The following NAALADL2 variants were observed in gnomAD, a reference collection of about 807,000 sequenced individuals.
NAALADL2 encodes the protein inactive N-acetylated-alpha-linked acidic dipeptidase-like protein 2.
Under a neutral mutation model 87.2 loss-of-function variants are expected in NAALADL2, and 76 were observed. That is an observed-to-expected ratio of 0.87 (90% CI 0.72 to 1.05). The LOEUF is 1.05. NAALADL2 is among the 50% of genes least tolerant of loss of function. The pLI is 0.00. For missense variants in NAALADL2, 1,089 were observed against 945.8 expected (o/e 1.15, Z -1.99); for synonymous variants, 354 against 331.0 (o/e 1.07, Z -0.75).
intron 2 of NAALADL2, among the ~76,000 whole-genome samples, chr3:175,148,497 G>C (rs1731101766): frequency 6.6e-6 from 1 of 151,972 alleles, no homozygotes; most frequent in Non-Finnish European, 1.5e-5. Context: ...TGGAGGACTT[G>C]GTCATAAATT....
chr3:174,686,758 G>C (rs904924955), intron 2 of NAALADL2, among the ~76,000 whole-genome samples: 7 of 151,962 alleles, frequency 4.6e-5, no homozygotes, highest in African/African-American at 1.7e-4. Context: ...ACTGAAACTG[G>C]ACCTCTTCCT....
intron 2 of NAALADL2, among the ~76,000 whole-genome samples, chr3:175,110,101 A>AT (rs1723927964): frequency 6.6e-6 from 1 of 151,792 alleles, no homozygotes; most frequent in African/African-American, 2.4e-5. Context: ...GTTTTGGGGC[A>AT]TTTTTCCCAT....
chr3:174,550,144 T>G (rs185430221), intron 1 of NAALADL2, among the ~76,000 whole-genome samples: 144 of 152,218 alleles, frequency 9.5e-4, no homozygotes, highest in African/African-American at 3.3e-3. Context: ...ATTGTTAATT[T>G]TTAGTAGTGC....
chr3:174,552,425 T>C (rs925259856), intron 2 of NAALADL2, among the ~76,000 whole-genome samples: 2 of 152,116 alleles, frequency 1.3e-5, no homozygotes, highest in South Asian at 2.1e-4. Context: ...GACAAACATA[T>C]CTATTTGGCC....
chr3:175,252,859 G>A (rs1373900892), intron 3 of NAALADL2, among the ~76,000 whole-genome samples: 1 of 152,190 alleles, frequency 6.6e-6, no homozygotes, highest in East Asian at 1.9e-4. Context: ...TTTAGCCAAA[G>A]CCTAATCCAG....
At chr3:175,593,413 A>C (rs556683346) in intron 10 of NAALADL2, among the ~76,000 whole-genome samples, 2 of 152,146 alleles carry the variant, frequency 1.3e-5, no homozygotes, top group Non-Finnish European at 2.9e-5. Context: ...ATTTTTGCCT[A>C]GAGTGTAGAA....
chr3:174,647,433 G>C (rs1180720939), intron 2 of NAALADL2, among the ~76,000 whole-genome samples: 1 of 152,216 alleles, frequency 6.6e-6, no homozygotes, highest in Non-Finnish European at 1.5e-5. Context: ...CTTGTCTGTA[G>C]GGAGCAACAG....
At chr3:175,767,275 G>C (rs1042250246) in intron 13 of NAALADL2, among the ~76,000 whole-genome samples, 1 of 151,982 alleles carries the variant, frequency 6.6e-6, no homozygotes, top group Non-Finnish European at 1.5e-5. Context: ...AAGTTTATAA[G>C]GGCAATAATG....
intron 2 of NAALADL2, among the ~76,000 whole-genome samples, chr3:175,175,368 T>G (rs1393138118): frequency 6.6e-6 from 1 of 152,102 alleles, no homozygotes; most frequent in African/African-American, 2.4e-5. Context: ...TTTTCAGTAT[T>G]AAACAACTTT....
At chr3:175,527,840 T>C (rs28653463) in intron 9 of NAALADL2, among the ~76,000 whole-genome samples, 9,116 of 152,244 alleles carry the variant, frequency 0.06, 339 homozygotes, top group African/African-American at 0.098. Flanking sequence ...TGCCATACAT[T>C]TGAAAAATAG....
chr3:175,524,298 A>C (rs1304837748), intron 9 of NAALADL2, among the ~76,000 whole-genome samples: 2 of 152,206 alleles, frequency 1.3e-5, no homozygotes, highest in Non-Finnish European at 2.9e-5. Flanking sequence ...GCAGAATATT[A>C]GATTATCTAG....
chr3:175,512,378 A>G (rs961517188), intron 9 of NAALADL2, among the ~76,000 whole-genome samples: 1 of 152,194 alleles, frequency 6.6e-6, no homozygotes, highest in East Asian at 1.9e-4. Flanking sequence ...GATATCACCA[A>G]TTTAATAAAA....
Position 174,560,785 on chromosome 3 carries a change from A to G in NAALADL2, c.-115+10148A>G, listed in dbSNP as rs1420470940. Among the ~76,000 whole-genome samples the G allele has an allele frequency of 3.3e-5, 5 of 151,998 alleles. No individual in the cohort carries two copies. The East Asian group carries it at 9.7e-4, about 29-fold the overall frequency. ...TCTCATACTGAAGGTTATCTGGTAA[A>G]TTGTGATTTTTTATTTGGTATCTTA... On this transcript the variant is annotated intron_variant, in intron 2 of 3. Coordinates refer to the NAALADL2 transcript ENST00000434257.
intron 4 of NAALADL2, among the ~76,000 whole-genome samples, chr3:175,301,019 T>A (rs1011557999): frequency 9.2e-5 from 14 of 152,158 alleles, no homozygotes; most frequent in Non-Finnish European, 1.8e-4. Context: ...ACTCCCAAAG[T>A]GCTGGGATTA....
At chr3:175,417,684 A>G (rs1714895094) in intron 5 of NAALADL2, among the ~76,000 whole-genome samples, 1 of 152,162 alleles carries the variant, frequency 6.6e-6, no homozygotes, top group African/African-American at 2.4e-5. Flanking sequence ...ATGTAAAATA[A>G]GATTATAATG....
chr3:175,145,829 A>G (rs891354232), intron 2 of NAALADL2, among the ~76,000 whole-genome samples: 26 of 151,846 alleles, frequency 1.7e-4, no homozygotes, highest in African/African-American at 6.0e-4. Context: ...TTCTAAAACA[A>G]GTCTTCCTAC....
At chr3:174,706,378 C>T (rs9818260) in intron 2 of NAALADL2, among the ~76,000 whole-genome samples, 2,077 of 152,208 alleles carry the variant, frequency 0.014, 58 homozygotes, top group African/African-American at 0.049. Flanking sequence ...AGTAGAAATC[C>T]TCATGATTTT....
intron 2 of NAALADL2, among the ~76,000 whole-genome samples, chr3:174,698,746 C>G (rs978827289): frequency 7.5e-6 from 1 of 133,198 alleles, no homozygotes; most frequent in Non-Finnish European, 1.5e-5. Context: ...CGCCTTTAGT[C>G]CCAGCTACTT....
chr3:174,684,147 T>C (rs1244552612), intron 2 of NAALADL2, among the ~76,000 whole-genome samples: 1 of 151,952 alleles, frequency 6.6e-6, no homozygotes, highest in Non-Finnish European at 1.5e-5. Context: ...TTCACATTTT[T>C]CTCTCTAATA....
Sources: allele counts gnomAD v4.1 joint callset (sites outside exome capture counted in the v4.1 genomes callset), GRCh38; gene constraint gnomAD v4.1.1; transcripts MANE v1.5; gene names NCBI Gene and HGNC (gene_info 2026-07-23, HGNC 2026-07-21).